The following CDKL4 variants were observed in gnomAD, a reference collection of about 807,000 sequenced individuals.
CDKL4 encodes cyclin dependent kinase like 4.
Under a neutral mutation model 42.0 loss-of-function variants are expected in CDKL4, and 44 were observed. The ratio of observed to expected loss-of-function variants is 1.05; its 90% CI spans 0.82 to 1.35. The LOEUF (loss-of-function observed/expected upper bound fraction) is 1.35, where lower values mean the gene tolerates loss of function less well. CDKL4 is among the 40% of genes most tolerant of loss of function. The pLI is 0.00. For synonymous variants in CDKL4, 120 were observed against 121.6 expected, an observed-to-expected ratio of 0.99 and a Z score of 0.09; for missense variants, 393 against 369.9, an observed-to-expected ratio of 1.06 and a Z score of -0.51.
intron 3 of CDKL4, among the ~76,000 whole-genome samples, chr2:39,217,278 A>G (rs2148362068): frequency 6.6e-6 from 1 of 152,330 alleles, no homozygotes; most frequent in African/African-American, 2.4e-5. Context: ...ACTGAAAGTA[A>G]TACTAAAAGT....
chr2:39,225,509 G>A (rs1051340788), intron 3 of CDKL4, among the ~76,000 whole-genome samples: 2 of 151,304 alleles, frequency 1.3e-5, no homozygotes, highest in Non-Finnish European at 2.9e-5. Flanking sequence ...TTTATCAATC[G>A]TACATTTTTT....
intron 8 of CDKL4, among the ~76,000 whole-genome samples, chr2:39,184,372 G>C (rs963202529): frequency 1.3e-5 from 2 of 152,194 alleles, no homozygotes; most frequent in Non-Finnish European, 2.9e-5. Flanking sequence ...GCATGGCTCT[G>C]ATTTTGCCTC....
At chr2:39,173,978 A>C (rs552103456), downstream of CDKL4, among the ~76,000 whole-genome samples, 75 of 152,176 alleles carry the variant, frequency 4.9e-4, no homozygotes, top group African/African-American at 1.8e-3. Context: ...ACCCTGTCTC[A>C]AAAACAAAAA....
intron 1 of CDKL4, among the ~76,000 whole-genome samples, chr2:39,234,700 G>T (rs1440927197): frequency 6.6e-6 from 1 of 152,226 alleles, no homozygotes; most frequent in African/African-American, 2.4e-5. Flanking sequence ...AATACTCTCT[G>T]AGCCTCCAGA....
intron 1 of CDKL4, among the ~76,000 whole-genome samples, chr2:39,239,814 G>A (rs970717771): frequency 1.3e-5 from 2 of 152,240 alleles, no homozygotes; most frequent in African/African-American, 2.4e-5. Context: ...ATAGGGCCAG[G>A]CATGGTGGCT....
At chr2:39,213,462 C>T in exon 4 of CDKL4, 1 of 1,609,338 alleles carries the variant, frequency 6.2e-7, no homozygotes, top group African/African-American at 1.3e-5. Flanking sequence ...TTGATCACTC[C>T]ATCAGCAACT....
In CDKL4 at chr2:39,191,397, C is replaced by T. The variant is rs376232566; in HGVS notation, c.455-895G>A. 4.3e-4 allele frequency among the ~76,000 whole-genome samples: 65 copies of T among 152,166 alleles called. 1 individual carries two copies. Among genetic ancestry groups the T allele is most frequent in the African/African-American group, 1.5e-3 (62 of 41,508 alleles). On this transcript the variant is annotated intron_variant, in intron 5 of 9. Transcript: ENST00000451199. The stretch of plus-strand genomic sequence containing the variant: ...CGACAGAGTAAGACTCTAACTCACA[C>T]ATATACAAAAAAAGAAGCTAGGATA...
At chr2:39,173,749 C>T (rs1675062054), downstream of CDKL4, among the ~76,000 whole-genome samples, 1 of 148,232 alleles carries the variant, frequency 6.7e-6, no homozygotes. Flanking sequence ...GGCGGAGCAG[C>T]TTGCAGTGAG....
chr2:39,240,611 T>C (rs551092279), intron 1 of CDKL4, among the ~76,000 whole-genome samples: 3 of 150,200 alleles, frequency 2.0e-5, no homozygotes, highest in Non-Finnish European at 3.0e-5. Context: ...AAATGTGGAT[T>C]ATCCATGCAA....
At chr2:39,175,577 T>G, downstream of CDKL4, 1 of 162,160 alleles carries the variant, frequency 6.2e-6, no homozygotes, top group Admixed American at 5.8e-5. Context: ...TGAATTACAA[T>G]GCAGGAACAT....
chr2:39,204,266 T>A (rs144442071), intron 5 of CDKL4, among the ~76,000 whole-genome samples: 2 of 152,346 alleles, frequency 1.3e-5, no homozygotes, highest in Admixed American at 6.5e-5. Flanking sequence ...TATAAGTGCA[T>A]GAAGAACAGA....
At chr2:39,238,220 G>A (rs745641129) in intron 1 of CDKL4, among the ~76,000 whole-genome samples, 12 of 152,208 alleles carry the variant, frequency 7.9e-5, no homozygotes, top group East Asian at 5.8e-4. Flanking sequence ...TACTTGAGCC[G>A]AAAAGTTTGA....
rs529537426 is a variant in CDKL4 at position 39,185,664 on chromosome 2, T to C, written c.736-1017A>G. On this transcript the variant is annotated intron_variant, in intron 7 of 9. Coordinates refer to ENST00000451199, the Ensembl canonical transcript of CDKL4. ...TTTTAGTACAGACGGGGTTTCACCA[T>C]GTTCGCTAGGATGGTCTCGATCTCC... 1.4e-4 allele frequency among the ~76,000 whole-genome samples: 21 copies of C among 151,554 alleles called. No individual in the cohort carries two copies. In the East Asian group the frequency reaches 2.1e-3, roughly 15 times the overall value.
rs1203854233 is a variant in CDKL4, at chr2:39,225,419, A to T, written c.290+420T>A. ...GACTCCATCTCAAAAAAAAAAAACTATTCTTTTAATCCTAGATGCTAGGGA... is the reference window on the plus strand; with the variant it reads ...GACTCCATCTCAAAAAAAAAAAACTTTTCTTTTAATCCTAGATGCTAGGGA... On this transcript the variant is annotated intron_variant, in intron 3 of 9. Transcript: ENST00000451199. Among the ~76,000 whole-genome samples the T allele has an allele frequency of 3.3e-5, 5 of 151,408 alleles. No homozygotes were observed. The East Asian group carries it at 9.6e-4, about 29-fold the overall frequency.
chr2:39,222,454 G>T (rs1007394299), intron 3 of CDKL4, among the ~76,000 whole-genome samples: 1 of 152,068 alleles, frequency 6.6e-6, no homozygotes, highest in Non-Finnish European at 1.5e-5. Flanking sequence ...GCCGGGCATG[G>T]TAGCGGGTCC....
At chr2:39,190,204 A>G in intron 6 of CDKL4, 101 bp downstream of exon 6, 1 of 847,772 alleles carries the variant, frequency 1.2e-6, no homozygotes. Context: ...AGAAGCAATA[A>G]AACTCTTGTT....
intron 3 of CDKL4, among the ~76,000 whole-genome samples, chr2:39,220,997 T>TTTG (rs1678308172): frequency 1.8e-5 from 1 of 55,394 alleles, no homozygotes; most frequent in Non-Finnish European, 5.2e-5. Flanking sequence ...TTTTTTTTTT[T>TTTG]TTTGTTTTTT....
rs34476857 is a variant in CDKL4, at chr2:39,209,071, T to C, written c.363+4329A>G. On this transcript the variant is annotated intron_variant, in intron 4 of 9. Coordinates refer to ENST00000451199, the Ensembl canonical transcript of CDKL4. ...ATCCTAGCTCTTTGGGAGGCCAAGG[T>C]GGGAGAATCGCTTGAGGTCAGGGGT... Among the ~76,000 whole-genome samples, 1,294 of 145,716 alleles carry C rather than the reference T, an allele frequency of 8.9e-3. 8 individuals are homozygous for C. Among genetic ancestry groups the C allele is most frequent in the Non-Finnish European group, 0.015 (996 of 66,748 alleles).
chr2:39,245,632 C>T (rs1266398329), upstream of CDKL4, among the ~76,000 whole-genome samples: 1 of 152,232 alleles, frequency 6.6e-6, no homozygotes, highest in Non-Finnish European at 1.5e-5. Context: ...CCCCTTAATA[C>T]TGTGATTACA....
Sources: gnomAD v4.1 joint callset for allele counts (sites outside exome capture counted in the v4.1 genomes callset) on GRCh38, gnomAD v4.1.1 for gene constraint, MANE v1.5 for transcripts, NCBI Gene and HGNC (gene_info 2026-07-23, HGNC 2026-07-21) for gene names.